Variants in UGP2 observed in about 807,000 individuals in gnomAD.
UGP2 encodes UTP--glucose-1-phosphate uridylyltransferase.
UGP2 carries 40 observed loss-of-function variants against 49.0 expected under a neutral mutation model. The observed-to-expected ratio is 0.82, with a 90% CI of 0.63 to 1.06. The LOEUF is 1.06. UGP2 is among the 50% of genes least tolerant of loss of function. UGP2 has a pLI of 0.00. For synonymous variants in UGP2, 225 were observed against 213.0 expected, an observed-to-expected ratio of 1.06 and a Z score of -0.49; for missense variants, 460 against 603.5, an observed-to-expected ratio of 0.76 and a Z score of 2.49.
chr2:63,869,677 C>T (rs1390096606), intron 3 of UGP2, among the ~76,000 whole-genome samples: 1 of 152,142 alleles, frequency 6.6e-6, no homozygotes, highest in East Asian at 1.9e-4. Flanking sequence ...ACTGAAGTAG[C>T]AGATTATATT....
rs1487619158 is a variant in UGP2 at position 63,848,432 on chromosome 2, T to G, written c.19+6228T>G. Among the ~76,000 whole-genome samples the G allele has an allele frequency of 2.0e-5, 3 of 152,288 alleles. 1 individual carries two copies. In the East Asian group the frequency reaches 5.8e-4, roughly 29 times the overall value. ...AGGCTGGAATGCAGTGGTGCGATCTTGGCTCACCACAACCTCCGCCTCCCA... is the reference window on the plus strand; with the variant it reads ...AGGCTGGAATGCAGTGGTGCGATCTGGGCTCACCACAACCTCCGCCTCCCA... On this transcript the variant is annotated intron_variant, in intron 1 of 9. Coordinates refer to ENST00000337130, the MANE Select transcript of UGP2 (RefSeq NM_006759.4).
Position 63,891,202 on chromosome 2 carries a change from GA to G in UGP2, c.1505del (p.Asn502ThrfsTer16). On this transcript the variant is annotated frameshift_variant, in exon 10 of 10. Coordinates refer to ENST00000337130, the MANE Select transcript of UGP2 (RefSeq NM_006759.4). LOFTEE classifies it high-confidence loss of function. ...GAVLENKIVS[G>X]NLRILDH is the part of the protein sequence containing the mutation. ...GTATTAGAGAACAAGATTGTGTCTG[GA>G]AACCTTCGCATCTTGGACCACTGAA... is the stretch of plus-strand genomic sequence containing the variant. 1 of 1,613,564 alleles carries G rather than the reference GA, an allele frequency of 6.2e-7. No individual in the cohort carries two copies. Among genetic ancestry groups the G allele is most frequent in the Non-Finnish European group, 8.5e-7 (1 of 1,179,720 alleles).
chr2:63,863,772 AT>A (rs1329977303), intron 3 of UGP2, among the ~76,000 whole-genome samples: 1 of 152,198 alleles, frequency 6.6e-6, no homozygotes, highest in African/African-American at 2.4e-5. Flanking sequence ...AAGAGTACTG[AT>A]GGAATTTTTC....
At chr2:63,886,005 T>C in intron 6 of UGP2, 119 bp downstream of exon 6, 2 of 1,160,494 alleles carry the variant, frequency 1.7e-6, no homozygotes, top group Non-Finnish European at 2.3e-6. Flanking sequence ...TATGTTCTGT[T>C]TGACATAATA....
intron 1 of UGP2, among the ~76,000 whole-genome samples, chr2:63,849,365 T>C (rs774146805): frequency 1.4e-4 from 21 of 152,216 alleles, no homozygotes; most frequent in Non-Finnish European, 2.4e-4. Context: ...TGATGTAATA[T>C]TTCATTTGTG....
rs1157530500 is a variant in UGP2 at position 63,857,920 on chromosome 2, GA to G, written c.240del (p.Arg80SerfsTer13). On this transcript the variant is annotated frameshift_variant, in exon 3 of 10. Coordinates refer to ENST00000337130, the MANE Select transcript of UGP2 (RefSeq NM_006759.4). LOFTEE classifies it high-confidence loss of function. ...GPSVDWGKIQ[R>X]PPEDSIQPYE... ...TCTGTGGATTGGGGAAAAATCCAGA[GA>G]CCCCCTGAAGATTCGGTAAGTTTTA... 1 of 1,613,742 alleles carries G rather than the reference GA, an allele frequency of 6.2e-7. No homozygotes were observed. Among genetic ancestry groups the G allele is most frequent in the Non-Finnish European group, 8.5e-7 (1 of 1,179,902 alleles).
At chr2:63,889,164 C>T (rs1258009181) in intron 8 of UGP2, 3 of 152,130 alleles carry the variant, frequency 2.0e-5, no homozygotes, top group Non-Finnish European at 4.4e-5. Flanking sequence ...GTTTGGGAGC[C>T]TCACAGGCAT....
At chr2:63,887,056 G>A (rs554839879) in intron 7 of UGP2, among the ~76,000 whole-genome samples, 1 of 152,104 alleles carries the variant, frequency 6.6e-6, no homozygotes, top group Non-Finnish European at 1.5e-5. Flanking sequence ...CAGATCACTT[G>A]AGGCCAGGAC....
At chr2:63,882,838 CT>C (rs1404690691) in intron 4 of UGP2, 187 bp downstream of exon 4, 12 of 457,232 alleles carry the variant, frequency 2.6e-5, no homozygotes, top group African/African-American at 2.4e-4. Context: ...TATGTAAAGG[CT>C]TTTGATCTTA....
At chr2:63,853,603 T>G (rs1669182131) in intron 1 of UGP2, among the ~76,000 whole-genome samples, 1 of 152,094 alleles carries the variant, frequency 6.6e-6, no homozygotes, top group Admixed American at 6.6e-5. Context: ...TTCCCTGTGG[T>G]TTTTCCATGG....
intron 3 of UGP2, among the ~76,000 whole-genome samples, chr2:63,859,399 G>T (rs1216076366): frequency 6.6e-6 from 1 of 152,092 alleles, no homozygotes; most frequent in Non-Finnish European, 1.5e-5. Flanking sequence ...AAGGTACGCA[G>T]ATTTATTATG....
chr2:63,882,755 A>G, intron 4 of UGP2, 104 bp downstream of exon 4: 5 of 1,227,244 alleles, frequency 4.1e-6, no homozygotes, highest in Non-Finnish European at 5.4e-6. Flanking sequence ...GAGCTAACCA[A>G]AGAGCCTGCT....
rs1407619888 is a variant in UGP2 at position 63,856,577 on chromosome 2, G to T, written c.147+144G>T. On this transcript the variant is annotated intron_variant, in intron 2 of 9. Transcript: ENST00000337130. ...CATCAAAAACAAAAAAATTAGAATT[G>T]CTTAACAATTACCGGCTTTTAACAT... 3.3e-6 allele frequency: 3 copies of T among 911,296 alleles called. No individual in the cohort carries two copies. The Admixed American group carries it at 7.4e-5, about 23-fold the overall frequency. 56.5% of individuals were successfully genotyped at this position (911,296 alleles called of 1,614,324 possible). A position where few individuals can be genotyped will look rare whatever the true frequency, so the allele number is the denominator to read the frequency against.
intron 3 of UGP2, among the ~76,000 whole-genome samples, chr2:63,879,932 C>T (rs1242117163): frequency 2.6e-5 from 4 of 152,086 alleles, no homozygotes; most frequent in African/African-American, 4.8e-5. Flanking sequence ...TAGGAGTTTT[C>T]GGTGACTTTC....
rs1389419472 is a variant in UGP2, at chr2:63,842,062, T to C, written c.-124T>C. 4.1e-6 allele frequency: 5 copies of C among 1,230,220 alleles called. No homozygotes were observed. The highest frequency in any genetic ancestry group is 4.5e-6 in the Non-Finnish European group (4 of 892,666). The allele number at this position is 1,230,220 out of a possible 1,614,324, so 76.2% of individuals were successfully genotyped here. A position where few individuals can be genotyped will look rare whatever the true frequency, so the allele number is the denominator to read the frequency against. On this transcript the variant is annotated 5_prime_UTR_variant, in exon 1 of 10. Transcript: ENST00000337130. ...TTTGAATAAATACTCCCTTAAGTAG[T>C]TAAATATAGGAGGAGAAAGAATACA...
At chr2:63,868,337 T>A (rs1055212071) in intron 3 of UGP2, among the ~76,000 whole-genome samples, 29 of 152,196 alleles carry the variant, frequency 1.9e-4, no homozygotes, top group African/African-American at 6.8e-4. Flanking sequence ...CATCATAGGA[T>A]CTTTGATCAT....
At chr2:63,858,000 C>CG (rs1317222122) in intron 3 of UGP2, 64 bp downstream of exon 3, 1 of 1,495,474 alleles carries the variant, frequency 6.7e-7, no homozygotes, top group African/African-American at 1.4e-5. Flanking sequence ...TAACTTAGGA[C>CG]GGTTGGGTAG....
intron 3 of UGP2, among the ~76,000 whole-genome samples, chr2:63,868,734 T>C (rs1345616495): frequency 6.6e-6 from 1 of 152,094 alleles, no homozygotes; most frequent in Non-Finnish European, 1.5e-5. Context: ...ATCCCAGCAC[T>C]TTGGGAAGCT....
At chr2:63,868,660 G>GT (rs1226007282) in intron 3 of UGP2, among the ~76,000 whole-genome samples, 1 of 152,120 alleles carries the variant, frequency 6.6e-6, no homozygotes, top group South Asian at 2.1e-4. Flanking sequence ...ATTTCTGATT[G>GT]TTTTTTAAAA....
Sources: gnomAD v4.1 joint callset for allele counts (sites outside exome capture counted in the v4.1 genomes callset) on GRCh38, gnomAD v4.1.1 for gene constraint, MANE v1.5 for transcripts, NCBI Gene and HGNC (gene_info 2026-07-23, HGNC 2026-07-21) for gene names.